SNTG1: variants seen among roughly 807,000 people sequenced by gnomAD.
The protein encoded by SNTG1 is gamma-1-syntrophin.
Under a neutral mutation model 74.7 loss-of-function variants are expected in SNTG1, and 39 were observed. The ratio of observed to expected loss-of-function variants is 0.52; its 90% CI spans 0.40 to 0.68. SNTG1 has a LOEUF of 0.68. SNTG1 is among the 30% of genes least tolerant of loss of function. The probability of loss-of-function intolerance (pLI) is 0.00; values close to 1 mark genes in which losing one functional copy is unlikely to be tolerated. For synonymous variants in SNTG1, 254 were observed against 217.1 expected (o/e 1.17, Z -1.49); for missense variants, 685 against 609.5 (o/e 1.12, Z -1.30).
At chr8:50,695,980 C>A (rs1404950897) in intron 15 of SNTG1, among the ~76,000 whole-genome samples, 2 of 151,948 alleles carry the variant, frequency 1.3e-5, no homozygotes, top group South Asian at 4.2e-4. Context: ...TGGATATATA[C>A]CCAGTAGTGG....
intron 1 of SNTG1, among the ~76,000 whole-genome samples, chr8:50,101,458 T>C (rs1332347390): frequency 6.6e-6 from 1 of 152,174 alleles, no homozygotes; most frequent in African/African-American, 2.4e-5. Context: ...TTTGAGTTTT[T>C]AATAATAACC....
intron 8 of SNTG1, among the ~76,000 whole-genome samples, chr8:50,499,625 C>T (rs2093933900): frequency 6.6e-6 from 1 of 151,380 alleles, no homozygotes; most frequent in South Asian, 2.1e-4. Flanking sequence ...GTCGTTAAGG[C>T]CTTTAGTCTT....
chr8:50,091,714 G>C (rs1563580106), intron 1 of SNTG1, among the ~76,000 whole-genome samples: 1 of 152,004 alleles, frequency 6.6e-6, no homozygotes, highest in Non-Finnish European at 1.5e-5. Flanking sequence ...TGTTGTTTAT[G>C]TTTTTCTTGA....
intron 4 of SNTG1, among the ~76,000 whole-genome samples, chr8:50,431,489 G>C (rs1458157642): frequency 6.6e-6 from 1 of 152,136 alleles, no homozygotes; most frequent in African/African-American, 2.4e-5. Context: ...GGTGATAATG[G>C]ATACAGGTAG....
intron 2 of SNTG1, among the ~76,000 whole-genome samples, chr8:50,357,590 G>T (rs938909556): frequency 6.6e-6 from 1 of 152,150 alleles, no homozygotes; most frequent in Non-Finnish European, 1.5e-5. Context: ...CAGTAAGACT[G>T]GACTTCAAAG....
chr8:50,117,421 G>A (rs1184108785), intron 1 of SNTG1, among the ~76,000 whole-genome samples: 5 of 152,060 alleles, frequency 3.3e-5, no homozygotes, highest in Non-Finnish European at 1.5e-5. Flanking sequence ...CCTTATCTAA[G>A]ATTGATTCCT....
At chr8:50,405,886 A>C (rs1438355082) in intron 4 of SNTG1, among the ~76,000 whole-genome samples, 1 of 152,092 alleles carries the variant, frequency 6.6e-6, no homozygotes, top group Non-Finnish European at 1.5e-5. Context: ...CATGTGCCGT[A>C]TATATAAGGG....
intron 2 of SNTG1, among the ~76,000 whole-genome samples, chr8:50,380,404 T>C (rs566574382): frequency 6.6e-6 from 1 of 152,314 alleles, no homozygotes; most frequent in East Asian, 1.9e-4. Context: ...AGATAGGAGA[T>C]AAATTTTGCA....
At chr8:50,452,539 A>G (rs940973277) in intron 8 of SNTG1, among the ~76,000 whole-genome samples, 2 of 152,226 alleles carry the variant, frequency 1.3e-5, no homozygotes, top group Admixed American at 1.3e-4. Flanking sequence ...GGCAGGCAGC[A>G]TGCTTAGACA....
intron 1 of SNTG1, among the ~76,000 whole-genome samples, chr8:50,091,211 T>C (rs2079723358): frequency 6.6e-6 from 1 of 152,102 alleles, no homozygotes; most frequent in African/African-American, 2.4e-5. Flanking sequence ...TTTGATATAC[T>C]TACACGTGGT....
chr8:50,512,963 C>A (rs547355634), intron 9 of SNTG1, among the ~76,000 whole-genome samples: 21 of 152,168 alleles, frequency 1.4e-4, no homozygotes, highest in Non-Finnish European at 2.5e-4. Context: ...TTGTAAGGAG[C>A]TGTATTCCTT....
chr8:50,325,785 G>A (rs1040399789), intron 2 of SNTG1, among the ~76,000 whole-genome samples: 1 of 151,964 alleles, frequency 6.6e-6, no homozygotes, highest in African/African-American at 2.4e-5. Flanking sequence ...TAAAAGGAAT[G>A]GTGATAGGAA....
chr8:50,059,293 G>T (rs1205129357), intron 1 of SNTG1, among the ~76,000 whole-genome samples: 1 of 152,016 alleles, frequency 6.6e-6, no homozygotes, highest in Non-Finnish European at 1.5e-5. Context: ...CATAGCAGTT[G>T]CATGTTTAAC....
intron 13 of SNTG1, among the ~76,000 whole-genome samples, chr8:50,613,795 A>G (rs13256324): frequency 0.015 from 2,340 of 152,232 alleles, 28 homozygotes; most frequent in Non-Finnish European, 0.024. Flanking sequence ...AATGAAGACA[A>G]CATAATTGTC....
At chr8:50,098,093 A>C (rs990875326) in intron 1 of SNTG1, among the ~76,000 whole-genome samples, 1 of 152,182 alleles carries the variant, frequency 6.6e-6, no homozygotes, top group Non-Finnish European at 1.5e-5. Flanking sequence ...AGATTAATTA[A>C]AACATAGCTC....
chr8:50,075,239 G>C (rs1821746885), intron 1 of SNTG1, among the ~76,000 whole-genome samples: 1 of 152,218 alleles, frequency 6.6e-6, no homozygotes, highest in Non-Finnish European at 1.5e-5. Flanking sequence ...CCCAGGGGCT[G>C]AGCAGTGCAG....
chr8:49,956,610 C>T (rs918877770), intron 1 of SNTG1, among the ~76,000 whole-genome samples: 4 of 152,134 alleles, frequency 2.6e-5, no homozygotes, highest in African/African-American at 9.7e-5. Context: ...ATTTATTTTA[C>T]TGAGGGTTGC....
At chr8:50,198,312 T>C (rs561489777) in intron 2 of SNTG1, among the ~76,000 whole-genome samples, 1 of 152,326 alleles carries the variant, frequency 6.6e-6, no homozygotes, top group Non-Finnish European at 1.5e-5. Context: ...CTTTGGCGAC[T>C]TGTCCTGCTA....
chr8:50,064,556 T>C (rs987514690), intron 1 of SNTG1, among the ~76,000 whole-genome samples: 1 of 152,188 alleles, frequency 6.6e-6, no homozygotes, highest in Non-Finnish European at 1.5e-5. Context: ...ACCCAAATAT[T>C]TGCTGTCACC....
Sources: gnomAD v4.1 joint callset for allele counts (sites outside exome capture counted in the v4.1 genomes callset) on GRCh38, gnomAD v4.1.1 for gene constraint, MANE v1.5 for transcripts, NCBI Gene and HGNC (gene_info 2026-07-23, HGNC 2026-07-21) for gene names.